The following PTPN14 variants were observed in gnomAD, a reference collection of about 807,000 sequenced individuals.
The protein encoded by PTPN14 is tyrosine-protein phosphatase non-receptor type 14.
A neutral mutation model predicts 126.8 loss-of-function variants in PTPN14; 53 were observed. The observed-to-expected ratio is 0.42, with a 90% CI of 0.34 to 0.53. The LOEUF (loss-of-function observed/expected upper bound fraction) is 0.53, where lower values mean the gene tolerates loss of function less well. PTPN14 is among the 20% of genes least tolerant of loss of function. PTPN14 has a pLI of 0.08. For synonymous variants in PTPN14, 630 were observed against 599.3 expected, an observed-to-expected ratio of 1.05 and a Z score of -0.75; for missense variants, 1,257 against 1,552.9, an observed-to-expected ratio of 0.81 and a Z score of 3.20.
At chr1:214,374,704 C>A (rs1406440153) in intron 15 of PTPN14, among the ~76,000 whole-genome samples, 1 of 152,124 alleles carries the variant, frequency 6.6e-6, no homozygotes, top group Non-Finnish European at 1.5e-5. Flanking sequence ...ATGAAATGCA[C>A]CCATGTCTAA....
intron 2 of PTPN14, among the ~76,000 whole-genome samples, chr1:214,462,364 C>T (rs1199523323): frequency 6.6e-6 from 1 of 152,196 alleles, no homozygotes; most frequent in Non-Finnish European, 1.5e-5. Flanking sequence ...CACATCTCCA[C>T]ACACCTCCCA....
chr1:214,445,339 C>T (rs1432921828), intron 3 of PTPN14, among the ~76,000 whole-genome samples: 2 of 152,128 alleles, frequency 1.3e-5, no homozygotes, highest in African/African-American at 2.4e-5. Context: ...ATGGAATGAC[C>T]GTGCTGGCTA....
At chr1:214,485,520 A>T (rs1661090520) in intron 1 of PTPN14, among the ~76,000 whole-genome samples, 1 of 152,186 alleles carries the variant, frequency 6.6e-6, no homozygotes, top group African/African-American at 2.4e-5. Context: ...AGAACAGATG[A>T]ATATGGAAGA....
chr1:214,503,012 T>C (rs1351535806), intron 1 of PTPN14, among the ~76,000 whole-genome samples: 1 of 152,160 alleles, frequency 6.6e-6, no homozygotes, highest in Non-Finnish European at 1.5e-5. Context: ...GTTGACAAAG[T>C]ATCTCTAAAG....
At chr1:214,471,077 CTTT>C (rs528664184) in intron 1 of PTPN14, among the ~76,000 whole-genome samples, 1 of 139,886 alleles carries the variant, frequency 7.1e-6, no homozygotes, top group Non-Finnish European at 1.6e-5. Context: ...CCCCCTAAAT[CTTT>C]TTTTTTTTTT....
At chr1:214,378,670 G>A (rs563294574) in intron 13 of PTPN14, among the ~76,000 whole-genome samples, 1 of 152,268 alleles carries the variant, frequency 6.6e-6, no homozygotes, top group East Asian at 1.9e-4. Context: ...ATACCTAAGG[G>A]TGTGTCATCC....
chr1:214,498,505 G>C (rs1339641099), intron 1 of PTPN14, among the ~76,000 whole-genome samples: 1 of 152,102 alleles, frequency 6.6e-6, no homozygotes, highest in Non-Finnish European at 1.5e-5. Context: ...AGCTCTCAAT[G>C]TTTGAAAACT....
intron 2 of PTPN14, among the ~76,000 whole-genome samples, chr1:214,455,551 C>T (rs1660363240): frequency 6.6e-6 from 1 of 152,080 alleles, no homozygotes; most frequent in Non-Finnish European, 1.5e-5. Flanking sequence ...AGCTCTGGTG[C>T]CATGAGTTCT....
intron 1 of PTPN14, among the ~76,000 whole-genome samples, chr1:214,534,284 G>A (rs770111229): frequency 1.3e-5 from 2 of 152,144 alleles, no homozygotes; most frequent in Non-Finnish European, 2.9e-5. Flanking sequence ...AAACCCTAAT[G>A]AAGAACTCTC....
intron 1 of PTPN14, among the ~76,000 whole-genome samples, chr1:214,506,236 G>A (rs879689237): frequency 2.0e-5 from 3 of 152,216 alleles, no homozygotes; most frequent in South Asian, 4.1e-4. Flanking sequence ...AGGCACGGTG[G>A]CTCACACCCT....
chr1:214,402,437 C>CAAAAAAA lies in PTPN14; in HGVS notation c.581+439_581+445dup, dbSNP rs1165595746. On this transcript the variant is annotated intron_variant, in intron 6 of 18. Transcript: ENST00000366956. ...CCTGGGTGACAGAGCGAGACTCTGTCAAAAAAAAAAAAAAAAAAAAAAGCC... is the reference window on the plus strand; with the variant it reads ...CCTGGGTGACAGAGCGAGACTCTGTCAAAAAAAAAAAAAAAAAAAAAAAAAAAAAGCC... Among the ~76,000 whole-genome samples the CAAAAAAA allele has an allele frequency of 4.4e-4, 21 of 48,140 alleles. 1 individual carries two copies. The highest frequency in any genetic ancestry group is 1.6e-3 in the African/African-American group (17 of 10,392). 31.6% of individuals were successfully genotyped at this position (48,140 alleles called of 152,430 possible).
In PTPN14 at chr1:214,551,211, G is replaced by A. The variant is rs1259884793; in HGVS notation, c.-183C>T. 2 of 152,358 alleles carry A rather than the reference G, an allele frequency of 1.3e-5. No homozygotes were observed. The highest frequency in any genetic ancestry group is 6.5e-5 in the Admixed American group (1 of 15,294). 9.4% of individuals were successfully genotyped at this position (152,358 alleles called of 1,614,324 possible). A position where few individuals can be genotyped will look rare whatever the true frequency, so the allele number is the denominator to read the frequency against. The stretch of plus-strand genomic sequence containing the variant: ...CTTACATGGCCCCCGTGGCGCCCCG[G>A]AGTCCCGCGCGGAAAGGCTGTCCTT... On this transcript the variant is annotated 5_prime_UTR_variant, in exon 1 of 19. Transcript: ENST00000366956.
intron 3 of PTPN14, among the ~76,000 whole-genome samples, chr1:214,424,996 C>A (rs1418568534): frequency 6.6e-6 from 1 of 152,010 alleles, no homozygotes; most frequent in East Asian, 1.9e-4. Flanking sequence ...GAGGTTATGC[C>A]ACGTTGGCCA....
intron 1 of PTPN14, among the ~76,000 whole-genome samples, chr1:214,541,739 G>C (rs1445131981): frequency 6.6e-6 from 1 of 152,080 alleles, no homozygotes; most frequent in African/African-American, 2.4e-5. Flanking sequence ...CCTGATTGCT[G>C]CTCTTAAGAA....
intron 7 of PTPN14, among the ~76,000 whole-genome samples, chr1:214,400,755 C>T (rs911251666): frequency 6.6e-6 from 1 of 152,192 alleles, no homozygotes; most frequent in Admixed American, 6.5e-5. Context: ...CTATGAAGGG[C>T]AGCTATTAGA....
At chr1:214,385,616 G>GCAA (rs1658590147) in intron 12 of PTPN14, among the ~76,000 whole-genome samples, 1 of 152,090 alleles carries the variant, frequency 6.6e-6, no homozygotes, top group South Asian at 2.1e-4. Context: ...CCCAAGGAAG[G>GCAA]CAACCTCTTG....
rs1424577013 is a variant in PTPN14 at position 214,383,180 on chromosome 1, G to C, written c.2544+131C>G. 7.6e-6 allele frequency: 9 copies of C among 1,184,576 alleles called. No individual in the cohort carries two copies. The highest frequency in any genetic ancestry group is 1.5e-5 in the African/African-American group (1 of 64,984). 73.4% of individuals were successfully genotyped at this position (1,184,576 alleles called of 1,614,324 possible). The stretch of plus-strand genomic sequence containing the variant: ...AAAACTCAACATTTTGTGTAATAAA[G>C]TACTACCTTTTAAATGCTCAATGAT... On this transcript the variant is annotated intron_variant, in intron 13 of 18. Transcript: ENST00000366956. This position sits in a 1 kb window ranked among gnomAD's most constrained non-coding sequence, Gnocchi z 4.4.
At chr1:214,448,582 T>C (rs1435480546) in intron 3 of PTPN14, among the ~76,000 whole-genome samples, 1 of 152,120 alleles carries the variant, frequency 6.6e-6, no homozygotes, top group African/African-American at 2.4e-5. Context: ...TAACATCCTC[T>C]TGATTCTCAG....
Position 214,402,932 on chromosome 1 carries a change from C to G in PTPN14, c.532G>C (p.Val178Leu), listed in dbSNP as rs777931812. The part of the protein sequence containing the change: ...FPMDLALEEA[V>L]LEELTQKVAQ... ...ACCTTCTGGGTCAGCTCCTCCAGAACAGCCTCTTCCAGGGCCAAATCCTAT... is the reference window on the plus strand; with the variant it reads ...ACCTTCTGGGTCAGCTCCTCCAGAAGAGCCTCTTCCAGGGCCAAATCCTAT... Residue 178 changes from valine (V) to leucine (L), a missense_variant, in exon 6 of 19, where the codon GTT becomes CTT. This residue lies in a region of PTPN14 where 1,021 missense variants were observed against 1,183.3 expected (regional missense o/e 0.86). Coordinates refer to ENST00000366956, the MANE Select transcript of PTPN14 (RefSeq NM_005401.5). 9 of 1,614,022 alleles carry G rather than the reference C, an allele frequency of 5.6e-6. No individual in the cohort carries two copies. Among genetic ancestry groups the G allele is most frequent in the Admixed American group, 1.7e-5 (1 of 60,008 alleles).
Sources: allele counts gnomAD v4.1 joint callset (sites outside exome capture counted in the v4.1 genomes callset), GRCh38; gene constraint gnomAD v4.1.1; regional missense constraint gnomAD v4.1.1; non-coding constraint Gnocchi (gnomAD v3.1); transcripts MANE v1.5; gene names NCBI Gene and HGNC (gene_info 2026-07-23, HGNC 2026-07-21).